Variants in AFG2A observed in about 807,000 individuals in gnomAD.
AFG2A encodes AAA ATPase AFG2A.
the AFG2A span, among the ~76,000 whole-genome samples, chr4:123,045,084 A>G: frequency 2.0e-5 from 3 of 151,840 alleles, no homozygotes; most frequent in Non-Finnish European, 4.4e-5. Flanking sequence ...TGTTTTTAAG[A>G]TCTTGTTTGC....
At chr4:123,038,249 G>A in the AFG2A span, among the ~76,000 whole-genome samples, 5 of 152,016 alleles carry the variant, frequency 3.3e-5, no homozygotes, top group Non-Finnish European at 7.4e-5. Flanking sequence ...TAAAATTGTA[G>A]TAACAGTGTA....
At chr4:123,251,904 A>G in the AFG2A span, among the ~76,000 whole-genome samples, 1 of 152,120 alleles carries the variant, frequency 6.6e-6, no homozygotes. Context: ...ACGTAAGTTA[A>G]GGATTGATTG....
At chr4:123,094,555 A>G in the AFG2A span, among the ~76,000 whole-genome samples, 4 of 152,146 alleles carry the variant, frequency 2.6e-5, no homozygotes, top group Non-Finnish European at 2.9e-5. Context: ...ACTGGGGGAA[A>G]AGTGTTCCTG....
chr4:123,002,319 C>T, the AFG2A span, among the ~76,000 whole-genome samples: 702 of 151,822 alleles, frequency 4.6e-3, 7 homozygotes, highest in Admixed American at 0.03. Context: ...AAGTTAATAT[C>T]GTTATGTGTG....
the AFG2A span, among the ~76,000 whole-genome samples, chr4:123,016,567 G>C: frequency 2.0e-5 from 3 of 151,298 alleles, no homozygotes; most frequent in South Asian, 2.1e-4. Context: ...ATGGGATGGC[G>C]GCCGGGTAGA....
chr4:123,293,603 T>G, the AFG2A span, among the ~76,000 whole-genome samples: 1 of 152,180 alleles, frequency 6.6e-6, no homozygotes, highest in South Asian at 2.1e-4. Flanking sequence ...TGAAGGATCC[T>G]GAGCAGAACA....
the AFG2A span, among the ~76,000 whole-genome samples, chr4:123,072,440 T>G: frequency 1.3e-5 from 2 of 152,204 alleles, no homozygotes; most frequent in Non-Finnish European, 2.9e-5. Context: ...AATTATATAC[T>G]GAGCTTTAGT....
chr4:123,063,273 T>C, the AFG2A span, among the ~76,000 whole-genome samples: 16 of 152,204 alleles, frequency 1.1e-4, no homozygotes, highest in Non-Finnish European at 2.4e-4. Context: ...ATTTTATGCA[T>C]TGTTAAACTA....
chr4:123,210,891 G>A, the AFG2A span, among the ~76,000 whole-genome samples: 2 of 150,800 alleles, frequency 1.3e-5, no homozygotes, highest in Admixed American at 1.3e-4. Flanking sequence ...TTTTTTTCCT[G>A]TTGGCTAATA....
At chr4:123,261,691 A>G in the AFG2A span, among the ~76,000 whole-genome samples, 1 of 152,088 alleles carries the variant, frequency 6.6e-6, no homozygotes, top group Admixed American at 6.5e-5. Context: ...ATTAAACCAT[A>G]ATGACCACCC....
chr4:123,263,525 C>T, the AFG2A span, among the ~76,000 whole-genome samples: 2 of 152,098 alleles, frequency 1.3e-5, no homozygotes, highest in Non-Finnish European at 2.9e-5. Flanking sequence ...TAACATTTAC[C>T]TCATGAGCCC....
At chr4:123,289,687 G>A in the AFG2A span, among the ~76,000 whole-genome samples, 1 of 151,952 alleles carries the variant, frequency 6.6e-6, no homozygotes, top group Admixed American at 6.6e-5. Flanking sequence ...TTGTTTTTCT[G>A]TTTTTGTTTT....
At chr4:122,960,709 C>T in the AFG2A span, among the ~76,000 whole-genome samples, 99,834 of 151,936 alleles carry the variant, frequency 0.66, 33,539 homozygotes, top group Non-Finnish European at 0.74. Context: ...GTAGCAATAC[C>T]GAATCTAATA....
chr4:123,247,604 G>GTTTGTTTA, the AFG2A span, among the ~76,000 whole-genome samples: 1 of 151,866 alleles, frequency 6.6e-6, no homozygotes, highest in Non-Finnish European at 1.5e-5. Flanking sequence ...TTGTTTGTTT[G>GTTTGTTTA]TTTTGTAGAG....
chr4:123,299,116 A>AGTGT, the AFG2A span, among the ~76,000 whole-genome samples: 772 of 72,204 alleles, frequency 0.011, 5 homozygotes, highest in Non-Finnish European at 0.016. Flanking sequence ...TGCATCTGCC[A>AGTGT]ATGTGTGTGT....
the AFG2A span, among the ~76,000 whole-genome samples, chr4:123,004,102 C>T: frequency 5.9e-5 from 9 of 152,176 alleles, no homozygotes; most frequent in Admixed American, 4.6e-4. Context: ...GGGCGTAGGA[C>T]CCTCTGAGCC....
At chr4:122,933,280 C>A in the AFG2A span, among the ~76,000 whole-genome samples, 2 of 152,100 alleles carry the variant, frequency 1.3e-5, no homozygotes, top group African/African-American at 4.8e-5. Flanking sequence ...GAAAAATGCC[C>A]ATCATTTCAA....
the AFG2A span, among the ~76,000 whole-genome samples, chr4:122,982,122 A>T: frequency 2.6e-5 from 4 of 152,118 alleles, no homozygotes; most frequent in Non-Finnish European, 5.9e-5. Context: ...GTTGGGTATG[A>T]TGTTAGCCGT....
chr4:123,310,198 C>G, the AFG2A span, among the ~76,000 whole-genome samples: 12 of 152,368 alleles, frequency 7.9e-5, no homozygotes, highest in Non-Finnish European at 1.5e-4. Flanking sequence ...GAGTGGCGCT[C>G]TGTCAGCTGC....
Sources: allele counts gnomAD v4.1 joint callset (sites outside exome capture counted in the v4.1 genomes callset), GRCh38; gene constraint gnomAD v4.1.1; transcripts MANE v1.5; gene names NCBI Gene and HGNC (gene_info 2026-07-23, HGNC 2026-07-21).